The following EPB41L3 variants were observed in gnomAD, a reference collection of about 807,000 sequenced individuals.
EPB41L3 encodes the protein band 4.1-like protein 3.
In EPB41L3, 57 loss-of-function variants were observed where a neutral mutation model predicts 127.1. The ratio of observed to expected loss-of-function variants is 0.45; its 90% CI spans 0.36 to 0.56. The LOEUF (loss-of-function observed/expected upper bound fraction) is 0.56. Among genes scored for constraint, EPB41L3 ranks in the 20% least tolerant of loss-of-function variants. The pLI is 0.00. For missense variants in EPB41L3, 1,273 were observed against 1,372.2 expected, an observed-to-expected ratio of 0.93 and a Z score of 1.14; for synonymous variants, 572 against 549.5, an observed-to-expected ratio of 1.04 and a Z score of -0.57.
At chr18:5,527,319 G>A (rs953751981) in intron 1 of EPB41L3, among the ~76,000 whole-genome samples, 3 of 151,986 alleles carry the variant, frequency 2.0e-5, no homozygotes, top group Non-Finnish European at 2.9e-5. Flanking sequence ...TTCTCATCAC[G>A]GAGTCTCACA....
chr18:5,412,198 C>T (rs1343128549), intron 13 of EPB41L3, among the ~76,000 whole-genome samples: 1 of 151,916 alleles, frequency 6.6e-6, no homozygotes, highest in Non-Finnish European at 1.5e-5. Context: ...ATGACTTGCA[C>T]TTAGTGTTTT....
chr18:5,426,292 T>A (rs1598785746), intron 9 of EPB41L3, among the ~76,000 whole-genome samples: 1 of 152,216 alleles, frequency 6.6e-6, no homozygotes, highest in East Asian at 1.9e-4. Flanking sequence ...TTTTCTGAAA[T>A]TTTCCCCCTT....
intron 1 of EPB41L3, among the ~76,000 whole-genome samples, chr18:5,504,169 G>C (rs138507789): frequency 2.2e-4 from 33 of 152,304 alleles, no homozygotes; most frequent in African/African-American, 7.2e-4. Context: ...TTCAGCCTTA[G>C]TGACAACTCC....
chr18:5,567,984 A>C (rs1056060872), intron 3 of EPB41L3, among the ~76,000 whole-genome samples: 2 of 152,198 alleles, frequency 1.3e-5, no homozygotes, highest in Non-Finnish European at 2.9e-5. Flanking sequence ...GTAACCAATA[A>C]AATATTTTCA....
At chr18:5,509,726 T>G (rs561116979) in intron 1 of EPB41L3, among the ~76,000 whole-genome samples, 1 of 152,358 alleles carries the variant, frequency 6.6e-6, no homozygotes, top group African/African-American at 2.4e-5. Flanking sequence ...TATAATTTTC[T>G]TTATAATCAT....
At chr18:5,416,726 A>AT (rs1491558858) in intron 12 of EPB41L3, among the ~76,000 whole-genome samples, 1 of 152,222 alleles carries the variant, frequency 6.6e-6, no homozygotes, top group African/African-American at 2.4e-5. Context: ...GGGAGCAAAC[A>AT]TAAGTAAATC....
At chr18:5,596,957 A>G (rs2094542586) in intron 3 of EPB41L3, among the ~76,000 whole-genome samples, 1 of 152,146 alleles carries the variant, frequency 6.6e-6, no homozygotes, top group South Asian at 2.1e-4. Context: ...GATAGATAAA[A>G]GCATAGTCTA....
intron 2 of EPB41L3, among the ~76,000 whole-genome samples, chr18:5,484,363 G>T (rs1457333897): frequency 6.6e-6 from 1 of 151,366 alleles, no homozygotes; most frequent in Non-Finnish European, 1.5e-5. Context: ...GAGGGAAGTG[G>T]AGAGCAATAA....
upstream of EPB41L3, among the ~76,000 whole-genome samples, chr18:5,629,427 A>ACG (rs1302786612): frequency 2.5e-4 from 37 of 150,894 alleles, no homozygotes; most frequent in Non-Finnish European, 4.7e-4. Flanking sequence ...ACACACACAC[A>ACG]CACACACACA....
intron 1 of EPB41L3, among the ~76,000 whole-genome samples, chr18:5,514,042 G>A (rs2092654687): frequency 6.6e-6 from 1 of 152,130 alleles, no homozygotes; most frequent in Non-Finnish European, 1.5e-5. Flanking sequence ...TAATTATAAG[G>A]TTACAAAAGT....
At chr18:5,611,840 C>G (rs552671011) in intron 3 of EPB41L3, among the ~76,000 whole-genome samples, 13 of 151,988 alleles carry the variant, frequency 8.6e-5, no homozygotes, top group African/African-American at 2.9e-4. Flanking sequence ...AGACAGGGTA[C>G]TTCTTATACT....
At chr18:5,478,547 G>A in intron 2 of EPB41L3, 109 bp from the exon 3 acceptor site, 1 of 902,768 alleles carries the variant, frequency 1.1e-6, no homozygotes, top group African/African-American at 1.7e-5. Context: ...GAGAGGTATT[G>A]AATTAGGATA....
chr18:5,511,470 T>C (rs1159300332), intron 1 of EPB41L3, among the ~76,000 whole-genome samples: 1 of 146,298 alleles, frequency 6.8e-6, no homozygotes, highest in Non-Finnish European at 1.5e-5. Context: ...AAAACTTGGG[T>C]TCTCCCTTCT....
chr18:5,418,299 A>G (rs1188114179), intron 12 of EPB41L3, among the ~76,000 whole-genome samples: 1 of 152,232 alleles, frequency 6.6e-6, no homozygotes, highest in Non-Finnish European at 1.5e-5. Flanking sequence ...GCTTAGTGCT[A>G]CGTTTTATAT....
chr18:5,469,491 C>A (rs549233063), intron 3 of EPB41L3, among the ~76,000 whole-genome samples: 24 of 152,252 alleles, frequency 1.6e-4, no homozygotes, highest in Middle Eastern at 3.4e-3. Flanking sequence ...TGGCTGGACC[C>A]CGCACTTGCT....
intron 3 of EPB41L3, among the ~76,000 whole-genome samples, chr18:5,566,800 TTCCA>T: frequency 6.6e-6 from 1 of 150,652 alleles, no homozygotes; most frequent in African/African-American, 2.5e-5. Flanking sequence ...TTCCATTCCA[TTCCA>T]TTCTAATTTT....
At chr18:5,524,945 C>A (rs1305339171) in intron 1 of EPB41L3, among the ~76,000 whole-genome samples, 1 of 152,160 alleles carries the variant, frequency 6.6e-6, no homozygotes, top group Non-Finnish European at 1.5e-5. Flanking sequence ...AGGGGCTGGT[C>A]TGAAATGAAA....
intron 1 of EPB41L3, among the ~76,000 whole-genome samples, chr18:5,496,786 T>C (rs896358338): frequency 1.3e-5 from 2 of 152,240 alleles, no homozygotes; most frequent in South Asian, 2.1e-4. Context: ...GGCTACATCA[T>C]TGCTTCATTC....
intron 3 of EPB41L3, chr18:5,577,248 T>A (rs530151266): frequency 1.1e-4 from 37 of 337,158 alleles, no homozygotes; most frequent in African/African-American, 8.2e-4. Context: ...TGTTTAAATA[T>A]GTATCCAATG....
Sources: gnomAD v4.1 joint callset for allele counts (sites outside exome capture counted in the v4.1 genomes callset) on GRCh38, gnomAD v4.1.1 for gene constraint, MANE v1.5 for transcripts, NCBI Gene and HGNC (gene_info 2026-07-23, HGNC 2026-07-21) for gene names.